Variants in STOM observed in about 807,000 individuals in gnomAD.
The protein encoded by STOM is stomatin, also known as erythrocyte band 7 integral membrane protein.
A neutral mutation model predicts 30.6 loss-of-function variants in STOM; 25 were observed. That is an observed-to-expected ratio of 0.82 (90% CI 0.60 to 1.14). The LOEUF (loss-of-function observed/expected upper bound fraction) is 1.14. Ranked by LOEUF, STOM falls within the 50% of genes most tolerant of loss-of-function variation. The pLI, the probability that STOM is intolerant of heterozygous loss-of-function variation, is 0.00. For synonymous variants in STOM, 118 were observed against 130.8 expected (o/e 0.90, Z 0.67); for missense variants, 292 against 365.2 (o/e 0.80, Z 1.63).
chr9:121,357,971 T>G (rs369368952), intron 1 of STOM, among the ~76,000 whole-genome samples: 5 of 152,110 alleles, frequency 3.3e-5, no homozygotes, highest in African/African-American at 1.2e-4. Context: ...CATTTGCTAT[T>G]TTGACCATTT....
At chr9:121,357,601 G>A (rs1046708893) in intron 1 of STOM, among the ~76,000 whole-genome samples, 5 of 151,284 alleles carry the variant, frequency 3.3e-5, no homozygotes, top group Non-Finnish European at 5.9e-5. Flanking sequence ...CACCACACCC[G>A]GCTACTTTTT....
intron 1 of STOM, among the ~76,000 whole-genome samples, chr9:121,369,659 G>A (rs1339027018): frequency 3.9e-5 from 6 of 152,144 alleles, no homozygotes; most frequent in African/African-American, 1.4e-4. Context: ...GTTTCGGGAG[G>A]TGGGATTGGG....
chr9:121,365,551 T>C (rs927665702), intron 1 of STOM, among the ~76,000 whole-genome samples: 1 of 151,750 alleles, frequency 6.6e-6, no homozygotes, highest in African/African-American at 2.4e-5. Flanking sequence ...CTCATATAAG[T>C]CTTTGGAGGG....
At chr9:121,354,018 T>C (rs1171588182) in intron 3 of STOM, among the ~76,000 whole-genome samples, 1 of 152,242 alleles carries the variant, frequency 6.6e-6, no homozygotes, top group East Asian at 1.9e-4. Context: ...CCTTGTTGGT[T>C]CCTACCACTA....
Position 121,342,337 on chromosome 9 carries a change from A to T in STOM, c.661-929T>A, listed in dbSNP as rs2064253537. 2.6e-5 allele frequency among the ~76,000 whole-genome samples: 4 copies of T among 151,692 alleles called. No homozygotes were observed. The South Asian group carries it at 6.2e-4, about 24-fold the overall frequency. ...CGAGATCATGCCACTGCTGCACTCCAGCTTGGCTGACAGAATGAGAATCTG... is the reference window on the plus strand; with the variant it reads ...CGAGATCATGCCACTGCTGCACTCCTGCTTGGCTGACAGAATGAGAATCTG... On this transcript the variant is annotated intron_variant, in intron 6 of 6. Coordinates refer to ENST00000286713, the MANE Select transcript of STOM (RefSeq NM_004099.6).
intron 6 of STOM, among the ~76,000 whole-genome samples, chr9:121,347,133 C>T (rs964224890): frequency 7.9e-5 from 12 of 152,190 alleles, no homozygotes; most frequent in African/African-American, 2.9e-4. Context: ...CTTTAGTGTT[C>T]ACCTGGCAGA....
chr9:121,349,244 G>T lies in STOM; in HGVS notation c.401C>A (p.Ala134Glu). Reference protein sequence around the residue: ...YRVQNATLAVANITNADSATR... With the variant: ...YRVQNATLAVENITNADSATR... The stretch of plus-strand genomic sequence containing the variant: ...TGCTGAGTCAGCGTTGGTGATATTT[G>T]CCACAGCCAGGGTTGCATTCTGAAC... Residue 134 changes from alanine (A) to glutamate (E), a missense_variant, in exon 5 of 7, where the codon GCA (alanine) becomes GAA (glutamate). By Grantham distance (107) the Ala-to-Glu change is moderately radical. Transcript: ENST00000286713. 1.2e-6 allele frequency: 2 copies of T among 1,614,152 alleles called. No homozygotes were observed.
chr9:121,342,289 G>A (rs138113878), intron 6 of STOM, among the ~76,000 whole-genome samples: 398 of 151,528 alleles, frequency 2.6e-3, no homozygotes, highest in Non-Finnish European at 4.6e-3. Flanking sequence ...AGAATTGCTC[G>A]AACCCGGGAG....
In STOM at chr9:121,370,221, C is replaced by G. The variant is rs1348668518; in HGVS notation, c.-34G>C. ...AGACGCAGTCGCACTCCCCCGTCCT[C>G]GTTGCCAAACCCGGAGCCGCCGGGA... On this transcript the variant is annotated 5_prime_UTR_variant, in exon 1 of 7. Transcript: ENST00000286713. The G allele has an allele frequency of 6.5e-7, 1 of 1,536,782 alleles. No individual in the cohort carries two copies. Among genetic ancestry groups the G allele is most frequent in the Non-Finnish European group, 8.8e-7 (1 of 1,138,988 alleles).
At chr9:121,367,232 G>T (rs536036749) in intron 1 of STOM, among the ~76,000 whole-genome samples, 12 of 152,224 alleles carry the variant, frequency 7.9e-5, no homozygotes, top group Admixed American at 3.9e-4. Flanking sequence ...ATAGTTTTCA[G>T]GAAATTGCTT....
At chr9:121,359,273 G>C (rs143143683) in intron 1 of STOM, among the ~76,000 whole-genome samples, 1 of 152,250 alleles carries the variant, frequency 6.6e-6, no homozygotes, top group Non-Finnish European at 1.5e-5. Flanking sequence ...GACACATGTT[G>C]GCACCCAGGT....
intron 1 of STOM, among the ~76,000 whole-genome samples, chr9:121,357,441 T>TATATATATATATATATATATAGA (rs1564631312): frequency 1.3e-5 from 1 of 74,108 alleles, no homozygotes; most frequent in Non-Finnish European, 2.6e-5. Flanking sequence ...ATATATATAT[T>TATATATATATATATATATATAGA]TATTTATTTA....
chr9:121,362,152 G>C (rs1458368497), intron 1 of STOM, among the ~76,000 whole-genome samples: 2 of 151,966 alleles, frequency 1.3e-5, no homozygotes, highest in Non-Finnish European at 2.9e-5. Context: ...CATTCAAGTT[G>C]GGCTTACCTC....
intron 1 of STOM, among the ~76,000 whole-genome samples, chr9:121,369,234 A>C (rs367395): frequency 0.83 from 125,748 of 152,162 alleles, 52,248 homozygotes; most frequent in South Asian, 0.89. Flanking sequence ...ATGTTCTTTG[A>C]GGGGTCCTGG....
chr9:121,339,611 C>G lies in STOM; in HGVS notation c.*1591G>C. The G allele has an allele frequency of 8.1e-7, 1 of 1,231,630 alleles. No individual in the cohort carries two copies. The highest frequency in any genetic ancestry group is 1.0e-6 in the Non-Finnish European group (1 of 987,942). 76.3% of individuals were successfully genotyped at this position (1,231,630 alleles called of 1,614,324 possible). A position where few individuals can be genotyped will look rare whatever the true frequency, so the allele number is the denominator to read the frequency against. On this transcript the variant is annotated 3_prime_UTR_variant, in exon 7 of 7. Coordinates refer to ENST00000286713, the MANE Select transcript of STOM (RefSeq NM_004099.6). ...AGAAAGCTGTTATGCTTAGACTTCT[C>G]TAGGTGAACTCAGAGTCTCAAAGAG... is the stretch of plus-strand genomic sequence containing the variant.
intron 3 of STOM, among the ~76,000 whole-genome samples, chr9:121,354,064 A>G (rs184422611): frequency 8.9e-4 from 135 of 152,340 alleles, no homozygotes; most frequent in East Asian, 2.1e-3. Context: ...ACTGTGTTTT[A>G]GTCTCCCTTG....
At chr9:121,348,231 G>A (rs2064307146) in intron 5 of STOM, 82 bp from the exon 6 acceptor site, 3 of 1,594,008 alleles carry the variant, frequency 1.9e-6, no homozygotes, top group African/African-American at 1.3e-5. Context: ...GGGATTTGGA[G>A]GAGATAAGGT....
intron 6 of STOM, among the ~76,000 whole-genome samples, chr9:121,346,506 G>A (rs535269949): frequency 1.3e-5 from 2 of 152,266 alleles, no homozygotes; most frequent in African/African-American, 4.8e-5. Flanking sequence ...GACATTCTAC[G>A]TAGTATATGT....
intron 1 of STOM, among the ~76,000 whole-genome samples, chr9:121,368,017 G>T (rs1282100043): frequency 1.3e-5 from 2 of 152,142 alleles, no homozygotes; most frequent in Non-Finnish European, 2.9e-5. Context: ...AGCTGTTACA[G>T]AATGCAATTA....
Sources: gnomAD v4.1 joint callset for allele counts (sites outside exome capture counted in the v4.1 genomes callset) on GRCh38, gnomAD v4.1.1 for gene constraint, MANE v1.5 for transcripts, NCBI Gene and HGNC (gene_info 2026-07-23, HGNC 2026-07-21) for gene names.